Variants in DEGS2 observed in about 807,000 individuals in gnomAD.
DEGS2 encodes the protein sphingolipid delta(4)-desaturase/C4-monooxygenase DES2.
Under a neutral mutation model 23.8 loss-of-function variants are expected in DEGS2, and 19 were observed. That is an observed-to-expected ratio of 0.80 (90% CI 0.56 to 1.17). The LOEUF (loss-of-function observed/expected upper bound fraction) is 1.17. Among genes scored for constraint, DEGS2 ranks in the 50% most tolerant of loss-of-function variants. DEGS2 has a pLI of 0.00. For synonymous variants in DEGS2, 218 were observed against 213.7 expected, an observed-to-expected ratio of 1.02 and a Z score of -0.18; for missense variants, 390 against 459.5, an observed-to-expected ratio of 0.85 and a Z score of 1.38.
rs1395263410 is a variant in DEGS2 at position 100,144,342 on chromosome 14, A to C, written c.*2419T>G. ...GGTGACCAGGAGTCGTAGGAGCAAG[A>C]TGGCGGTCTTCGACAGGAAGCTGGG... On this transcript the variant is annotated 3_prime_UTR_variant, in exon 3 of 3. Transcript: ENST00000305631. 1.3e-5 allele frequency: 2 copies of C among 152,488 alleles called. No individual in the cohort carries two copies. The highest frequency in any genetic ancestry group is 4.8e-5 in the African/African-American group (2 of 41,444). The allele number at this position is 152,488 out of a possible 1,614,324, so 9.4% of individuals were successfully genotyped here.
intron 2 of DEGS2, among the ~76,000 whole-genome samples, chr14:100,148,693 C>T (rs900443544): frequency 6.6e-6 from 1 of 152,242 alleles, no homozygotes; most frequent in African/African-American, 2.4e-5. Flanking sequence ...TCAAGGAAGA[C>T]ACCCTGTCAG....
chr14:100,162,199 A>AT (rs1566744647), upstream of DEGS2, among the ~76,000 whole-genome samples: 3 of 150,934 alleles, frequency 2.0e-5, no homozygotes. Flanking sequence ...TACAAAAAAA[A>AT]TTAGCTGGGC....
At chr14:100,156,973 C>T (rs1471423177) in intron 1 of DEGS2, among the ~76,000 whole-genome samples, 1 of 152,228 alleles carries the variant, frequency 6.6e-6, no homozygotes, top group African/African-American at 2.4e-5. Context: ...AGGACTTGTG[C>T]TCCCCAAGCC....
At chr14:100,162,372 AAAAT>A (rs146229259), upstream of DEGS2, among the ~76,000 whole-genome samples, 7,649 of 150,826 alleles carry the variant, frequency 0.051, 266 homozygotes, top group Non-Finnish European at 0.073. Context: ...AAAAATAAAT[AAAAT>A]AAATAAATAA....
chr14:100,165,343 T>C, the DEGS2 span, among the ~76,000 whole-genome samples: 1 of 152,210 alleles, frequency 6.6e-6, no homozygotes, highest in Admixed American at 6.5e-5. Flanking sequence ...CTTGCTCACG[T>C]TTCCCTCTCC....
At chr14:100,164,840 G>A in the DEGS2 span, among the ~76,000 whole-genome samples, 8 of 152,258 alleles carry the variant, frequency 5.3e-5, no homozygotes, top group African/African-American at 1.4e-4. Flanking sequence ...AACATGTGTG[G>A]CCACCAAATA....
chr14:100,148,835 A>C, intron 2 of DEGS2, 133 bp downstream of exon 2: 1 of 1,054,544 alleles, frequency 9.5e-7, no homozygotes, highest in Non-Finnish European at 1.4e-6. Flanking sequence ...GGACAAGTGC[A>C]AGTGGCCATG....
chr14:100,145,359 G>T lies in DEGS2; in HGVS notation c.*1402C>A, dbSNP rs1310159398. 3 of 152,184 alleles carry T rather than the reference G, an allele frequency of 2.0e-5. No homozygotes were observed. Among genetic ancestry groups the T allele is most frequent in the Admixed American group, 2.0e-4 (3 of 15,256 alleles). The allele number at this position is 152,184 out of a possible 1,614,324, so 9.4% of individuals were successfully genotyped here. On this transcript the variant is annotated 3_prime_UTR_variant, in exon 3 of 3. Transcript: ENST00000305631. ...CGCCCGGCTCAAAGTCCTGGTGCCG[G>T]GGCCAGCAGCACTTCCTTTGCAGAA...
Position 100,145,637 on chromosome 14 carries a change from T to A in DEGS2, c.*1124A>T, listed in dbSNP as rs1360722867. ...CAGTGGTGGGAGCTGCATCCACTGC[T>A]GGATTGCAGTGGGCCCGCTCCATCC... On this transcript the variant is annotated 3_prime_UTR_variant, in exon 3 of 3. Coordinates refer to ENST00000305631, the MANE Select transcript of DEGS2 (RefSeq NM_206918.3). 6.6e-6 allele frequency: 1 copy of A among 152,038 alleles called. No individual in the cohort carries two copies. The highest frequency in any genetic ancestry group is 1.5e-5 in the Non-Finnish European group (1 of 67,992). The allele number at this position is 152,038 out of a possible 1,614,324, so 9.4% of individuals were successfully genotyped here.
Position 100,146,468 on chromosome 14 carries a change from T to G in DEGS2, c.*293A>C. The G allele has an allele frequency of 2.5e-6, 1 of 396,808 alleles. No homozygotes were observed. Among genetic ancestry groups the G allele is most frequent in the East Asian group, 5.0e-5 (1 of 19,822 alleles). The allele number at this position is 396,808 out of a possible 1,614,324, so 24.6% of individuals were successfully genotyped here. On this transcript the variant is annotated 3_prime_UTR_variant, in exon 3 of 3. Coordinates refer to ENST00000305631, the MANE Select transcript of DEGS2 (RefSeq NM_206918.3). ...GTAGGGCACAGGCACCCCGGAGAAG[T>G]CAGCTCCGTGGGAACCGTGGGCTCA...
At chr14:100,159,375 C>G in intron 1 of DEGS2, 131 bp downstream of exon 1, 1 of 675,528 alleles carries the variant, frequency 1.5e-6, no homozygotes, top group Non-Finnish European at 2.2e-6. Context: ...GGGAGGGGAG[C>G]GGCAATGGCG....
intron 2 of DEGS2, among the ~76,000 whole-genome samples, 192 bp from the exon 3 acceptor site, chr14:100,147,099 C>G (rs1889462621): frequency 6.6e-6 from 1 of 152,214 alleles, no homozygotes; most frequent in African/African-American, 2.4e-5. Context: ...TCTGGGGTGC[C>G]CATGTCCAGC....
chr14:100,150,067 A>C (rs1318295830), intron 1 of DEGS2, among the ~76,000 whole-genome samples: 3 of 152,150 alleles, frequency 2.0e-5, no homozygotes, highest in Non-Finnish European at 4.4e-5. Flanking sequence ...CTGTGTACTC[A>C]AGCACACGGG....
At position 100,145,504 on chromosome 14, in the gene DEGS2, C is replaced by T. The variant is rs1394697387; in HGVS notation, c.*1257G>A. 4 of 152,278 alleles carry T rather than the reference C, an allele frequency of 2.6e-5. No homozygotes were observed. The highest frequency in any genetic ancestry group is 9.6e-5 in the African/African-American group (4 of 41,466). 9.4% of individuals were successfully genotyped at this position (152,278 alleles called of 1,614,324 possible). A position where few individuals can be genotyped will look rare whatever the true frequency, so the allele number is the denominator to read the frequency against. On this transcript the variant is annotated 3_prime_UTR_variant, in exon 3 of 3. Coordinates refer to ENST00000305631, the MANE Select transcript of DEGS2 (RefSeq NM_206918.3). ...AGGGGGAGACCTGCATCTCCCAGGTCAGCAGGGACAGCCCCTGGCACCCCA... is the reference window on the plus strand; with the variant it reads ...AGGGGGAGACCTGCATCTCCCAGGTTAGCAGGGACAGCCCCTGGCACCCCA...
chr14:100,166,731 T>C, the DEGS2 span, among the ~76,000 whole-genome samples: 1 of 152,008 alleles, frequency 6.6e-6, no homozygotes, highest in African/African-American at 2.4e-5. Flanking sequence ...CAGCAGGACT[T>C]TATCTGATAA....
chr14:100,158,182 G>C (rs1212896860), intron 1 of DEGS2, among the ~76,000 whole-genome samples: 7 of 152,142 alleles, frequency 4.6e-5, no homozygotes, highest in African/African-American at 1.7e-4. Flanking sequence ...GCTGAGATGG[G>C]TGGATCCCTC....
intron 1 of DEGS2, chr14:100,155,815 C>T (rs567851513): frequency 5.3e-5 from 8 of 152,276 alleles, no homozygotes; most frequent in African/African-American, 1.9e-4. Flanking sequence ...CCATGTGTGC[C>T]CTGCTTTCAT....
At chr14:100,154,717 T>TTACA (rs1313614376) in intron 1 of DEGS2, among the ~76,000 whole-genome samples, 1 of 152,190 alleles carries the variant, frequency 6.6e-6, no homozygotes, top group African/African-American at 2.4e-5. Context: ...CTCTGATGGG[T>TTACA]TACAGCCTTT....
intron 1 of DEGS2, among the ~76,000 whole-genome samples, chr14:100,157,125 C>A (rs1235382925): frequency 6.6e-6 from 1 of 152,204 alleles, no homozygotes; most frequent in Non-Finnish European, 1.5e-5. Flanking sequence ...GGGCCAGGTA[C>A]CACCTCGGGC....
Sources: gnomAD v4.1 joint callset for allele counts (sites outside exome capture counted in the v4.1 genomes callset) on GRCh38, gnomAD v4.1.1 for gene constraint, MANE v1.5 for transcripts, NCBI Gene and HGNC (gene_info 2026-07-23, HGNC 2026-07-21) for gene names.